BRCC3: variants seen among roughly 807,000 people sequenced by gnomAD.
BRCC3 encodes BRCA1/BRCA2-containing complex subunit 3.
BRCC3 carries 15 observed loss-of-function variants against 28.0 expected under a neutral mutation model. The ratio of observed to expected loss-of-function variants is 0.54; its 90% CI spans 0.36 to 0.82. The LOEUF (loss-of-function observed/expected upper bound fraction) is 0.82. Ranked by LOEUF, BRCC3 falls within the 40% of genes least tolerant of loss-of-function variation. The pLI is 0.01. For missense variants in BRCC3, 109 were observed against 225.9 expected (o/e 0.48, Z 3.32); for synonymous variants, 66 against 80.3 (o/e 0.82, Z 0.95).
intron 3 of BRCC3, among the ~76,000 whole-genome samples, chrX:155,075,638 G>C (rs1557293520): frequency 8.9e-6 from 1 of 112,045 alleles, no homozygotes; most frequent in African/African-American, 3.2e-5. Flanking sequence ...TGGTCCATAA[G>C]CTACCAAATC....
At chrX:155,088,352 C>CTTT (rs781981831) in intron 5 of BRCC3, among the ~76,000 whole-genome samples, 4 of 90,316 alleles carry the variant, frequency 4.4e-5, no homozygotes, top group Non-Finnish European at 6.7e-5. Context: ...TAGTTTTTGG[C>CTTT]TTTTTTTTTT....
chrX:155,097,388 T>A (rs376370797), intron 7 of BRCC3, among the ~76,000 whole-genome samples: 7 of 111,780 alleles, frequency 6.3e-5, no homozygotes, highest in African/African-American at 2.3e-4. Flanking sequence ...AAATGGCCAA[T>A]AAGTACACGT....
In BRCC3 at chrX:155,080,769, G is replaced by T. The variant is rs182398531; in HGVS notation, c.403+2066G>T. On this transcript the variant is annotated intron_variant, in intron 5 of 10. Coordinates refer to ENST00000330045, the MANE Select transcript of BRCC3 (RefSeq NM_001018055.3). ...AATATTTTAACTTGTCTATGCCTCTGTAGTTTCCTCTCTGTCAGAAAAGAA... is the reference window on the plus strand; with the variant it reads ...AATATTTTAACTTGTCTATGCCTCTTTAGTTTCCTCTCTGTCAGAAAAGAA... Among the ~76,000 whole-genome samples, 5 of 112,075 alleles carry T rather than the reference G, an allele frequency of 4.5e-5. No homozygotes were observed. The East Asian group carries it at 8.4e-4, about 19-fold the overall frequency.
intron 4 of BRCC3, among the ~76,000 whole-genome samples, chrX:155,077,960 A>G (rs1400440959): frequency 1.8e-5 from 2 of 112,021 alleles, no homozygotes; most frequent in Non-Finnish European, 3.8e-5. Flanking sequence ...TATGCAGGCT[A>G]TCTCTCTGCA....
chrX:155,091,193 C>A (rs181285503), intron 7 of BRCC3, among the ~76,000 whole-genome samples: 25 of 111,893 alleles, frequency 2.2e-4, no homozygotes, highest in African/African-American at 8.1e-4. Context: ...AGATTCTTGT[C>A]TTTGCTGTGT....
At chrX:155,108,050 G>A (rs188096885) in intron 7 of BRCC3, among the ~76,000 whole-genome samples, 9 of 111,947 alleles carry the variant, frequency 8.0e-5, no homozygotes, top group Non-Finnish European at 1.5e-4. Context: ...CTGTGAAACT[G>A]TACTACATAT....
rs80108407 is a variant in BRCC3, at chrX:155,105,222, T to C, written c.549-10835T>C. ...TGTTAGGTGGGCACAGTGGCTCATG[T>C]CTGTAATCCCAGCACTTTGGGAGGC... On this transcript the variant is annotated intron_variant, in intron 7 of 10. Coordinates refer to ENST00000330045, the MANE Select transcript of BRCC3 (RefSeq NM_001018055.3). Among the ~76,000 whole-genome samples the C allele has an allele frequency of 4.4e-3, 498 of 112,130 alleles. 1 individual carries two copies. Among genetic ancestry groups the C allele is most frequent in the Non-Finnish European group, 6.2e-3 (327 of 53,157 alleles).
At chrX:155,090,600 G>T (rs142848608) in intron 6 of BRCC3, among the ~76,000 whole-genome samples, 184 bp from the exon 7 acceptor site, 153 of 112,246 alleles carry the variant, frequency 1.4e-3, no homozygotes, top group African/African-American at 4.5e-3. Context: ...TACATGAGCA[G>T]ATGTTTGGTT....
chrX:155,094,560 A>C (rs186907473), intron 7 of BRCC3, among the ~76,000 whole-genome samples: 180 of 111,000 alleles, frequency 1.6e-3, no homozygotes, highest in Non-Finnish European at 1.8e-3. Flanking sequence ...AGTTGCTTAT[A>C]AATTTCTGGG....
chrX:155,073,227 G>A (rs2074002140), intron 2 of BRCC3, 150 bp from the exon 3 acceptor site: 1 of 583,003 alleles, frequency 1.7e-6, no homozygotes, highest in African/African-American at 2.3e-5. Context: ...CAGATAGAGT[G>A]CAGCTCTAGC....
intron 5 of BRCC3, chrX:155,078,910 A>T (rs2074065363): frequency 2.8e-6 from 1 of 352,923 alleles, no homozygotes; most frequent in East Asian, 4.8e-5. Flanking sequence ...GATATAAAAA[A>T]ATTAAACTGT....
intron 7 of BRCC3, among the ~76,000 whole-genome samples, chrX:155,111,061 CTTAT>C (rs1433868692): frequency 9.0e-6 from 1 of 111,351 alleles, no homozygotes; most frequent in African/African-American, 3.3e-5. Context: ...CAAGATGACA[CTTAT>C]GTTGGAAATA....
At chrX:155,115,706 C>A (rs988979457) in intron 7 of BRCC3, among the ~76,000 whole-genome samples, 2 of 111,959 alleles carry the variant, frequency 1.8e-5, no homozygotes, top group East Asian at 5.6e-4. Flanking sequence ...TTAATTTGTT[C>A]AACCTCACTG....
intron 7 of BRCC3, 99 bp downstream of exon 7, chrX:155,090,938 C>T (rs781972279): frequency 9.3e-5 from 56 of 603,873 alleles, no homozygotes; most frequent in Admixed American, 1.5e-4. Flanking sequence ...TGGTAAGACA[C>T]TAAGACACTG....
chrX:155,103,853 A>G (rs1290778150), intron 7 of BRCC3, among the ~76,000 whole-genome samples: 4 of 103,960 alleles, frequency 3.8e-5, no homozygotes, highest in Non-Finnish European at 7.9e-5. Flanking sequence ...TTTTTTTTCT[A>G]TCTGTGATTT....
intron 6 of BRCC3, among the ~76,000 whole-genome samples, chrX:155,090,498 G>T (rs1002916750): frequency 1.8e-5 from 2 of 111,851 alleles, no homozygotes; most frequent in African/African-American, 6.5e-5. Flanking sequence ...ATAAGTAGTT[G>T]TTGAATAAGT....
At chrX:155,090,926 A>C in intron 7 of BRCC3, 87 bp downstream of exon 7, 1 of 685,779 alleles carries the variant, frequency 1.5e-6, no homozygotes, top group Non-Finnish European at 2.3e-6. Flanking sequence ...TATTCCTTTC[A>C]CTGGTAAGAC....
chrX:155,096,725 AGCTGG>A (rs2074212286), intron 7 of BRCC3, among the ~76,000 whole-genome samples: 1 of 112,587 alleles, frequency 8.9e-6, no homozygotes, highest in Non-Finnish European at 1.9e-5. Context: ...AGAAGAACAA[AGCTGG>A]AGAAATCACA....
chrX:155,073,457 T>G, intron 3 of BRCC3, 26 bp downstream of exon 3: 1 of 1,164,235 alleles, frequency 8.6e-7, no homozygotes, highest in Non-Finnish European at 1.1e-6. Context: ...TTTTGCATGA[T>G]GGAAACTTGC....
Sources: allele counts gnomAD v4.1 joint callset (sites outside exome capture counted in the v4.1 genomes callset), GRCh38; gene constraint gnomAD v4.1.1; transcripts MANE v1.5; gene names NCBI Gene and HGNC (gene_info 2026-07-23, HGNC 2026-07-21).